DPP6: variants seen among roughly 807,000 people sequenced by gnomAD.
The protein encoded by DPP6 is A-type potassium channel modulatory protein DPP6.
DPP6 carries 69 observed loss-of-function variants against 122.6 expected under a neutral mutation model. The observed-to-expected ratio is 0.56, with a 90% CI of 0.46 to 0.69. The LOEUF (loss-of-function observed/expected upper bound fraction) is 0.69, where lower values mean the gene tolerates loss of function less well. DPP6 is among the 30% of genes least tolerant of loss of function. The pLI is 0.00. For synonymous variants in DPP6, 418 were observed against 433.1 expected (o/e 0.97, Z 0.43); for missense variants, 928 against 1,116.9 (o/e 0.83, Z 2.41).
intron 5 of DPP6, among the ~76,000 whole-genome samples, chr7:154,575,475 TG>T (rs1831570306): frequency 9.0e-4 from 27 of 29,898 alleles, no homozygotes; most frequent in Non-Finnish European, 1.2e-3. Context: ...TGTATGTGTG[TG>T]GTGTGTGTGT....
At chr7:154,671,361 T>C (rs552955466) in intron 7 of DPP6, among the ~76,000 whole-genome samples, 1 of 152,316 alleles carries the variant, frequency 6.6e-6, no homozygotes, top group African/African-American at 2.4e-5. Flanking sequence ...TGGGAATGTG[T>C]AACCTTACTG....
intron 8 of DPP6, among the ~76,000 whole-genome samples, chr7:154,754,009 A>T (rs535533674): frequency 1.2e-4 from 17 of 147,082 alleles, no homozygotes; most frequent in Non-Finnish European, 2.5e-4. Context: ...ACTGCTTATA[A>T]TTTACAATTA....
At chr7:153,992,114 G>A (rs1046465309) in intron 1 of DPP6, among the ~76,000 whole-genome samples, 69 of 151,890 alleles carry the variant, frequency 4.5e-4, no homozygotes, top group African/African-American at 1.4e-3. Flanking sequence ...CTCCCAAAAG[G>A]CCCCACCCCC....
At chr7:154,569,362 A>C (rs1830967153) in intron 5 of DPP6, among the ~76,000 whole-genome samples, 1 of 152,030 alleles carries the variant, frequency 6.6e-6, no homozygotes, top group Admixed American at 6.6e-5. Context: ...TTCTTTAAAA[A>C]CAATTAAAGG....
intron 1 of DPP6, among the ~76,000 whole-genome samples, chr7:153,910,288 G>A (rs1326796088): frequency 2.1e-5 from 3 of 145,604 alleles, no homozygotes; most frequent in Non-Finnish European, 4.5e-5. Context: ...GGAGTGCAGT[G>A]GTGCAATCTC....
At chr7:154,154,645 T>C (rs1796590883) in intron 1 of DPP6, among the ~76,000 whole-genome samples, 1 of 152,212 alleles carries the variant, frequency 6.6e-6, no homozygotes. Context: ...TTCAAGCCCA[T>C]TTTAGAGCTA....
intron 1 of DPP6, among the ~76,000 whole-genome samples, chr7:153,982,839 C>T (rs1177017586): frequency 1.3e-5 from 2 of 152,230 alleles, no homozygotes; most frequent in Admixed American, 1.3e-4. Context: ...TGGAGGTCCA[C>T]TCCAGACCCT....
intron 1 of DPP6, among the ~76,000 whole-genome samples, chr7:154,202,984 A>C (rs76997742): frequency 0.027 from 4,039 of 152,236 alleles, 178 homozygotes; most frequent in African/African-American, 0.091. Context: ...AGGAGTACAT[A>C]ATAAGGATTG....
chr7:154,296,076 C>A (rs1373481894), intron 1 of DPP6, among the ~76,000 whole-genome samples: 1 of 151,676 alleles, frequency 6.6e-6, no homozygotes, highest in African/African-American at 2.4e-5. Context: ...TCCCGAGCAG[C>A]TGAGACTACA....
In DPP6 at chr7:153,975,455, G is replaced by A. The variant is rs545776807; in HGVS notation, c.51+87721G>A. Among the ~76,000 whole-genome samples, 320 of 150,672 alleles carry A rather than the reference G, an allele frequency of 2.1e-3. 1 individual carries two copies. Among genetic ancestry groups the A allele is most frequent in the African/African-American group, 7.6e-3 (310 of 40,710 alleles). ...GAAAGTGGGGATCATTTTACCCAGT[G>A]GCCTTGCAAGTTTCACAGCAAGTCT... On this transcript the variant is annotated intron_variant, in intron 1 of 25. Transcript: ENST00000404039.
chr7:153,806,767 C>T, the DPP6 span, among the ~76,000 whole-genome samples: 23 of 152,038 alleles, frequency 1.5e-4, 1 homozygote, highest in East Asian at 4.2e-3. Context: ...TTTAGGAATG[C>T]CCATTTCTCT....
In DPP6 at chr7:154,481,260, G is replaced by A. The variant is rs996482366; in HGVS notation, c.457+6223G>A. 4.1e-4 allele frequency among the ~76,000 whole-genome samples: 62 copies of A among 152,148 alleles called. No individual in the cohort carries two copies. Among genetic ancestry groups the A allele is most frequent in the Middle Eastern group, 3.4e-3 (1 of 294 alleles). On this transcript the variant is annotated intron_variant, in intron 3 of 25. Transcript: ENST00000377770. The surrounding 1 kb of genome is among the most constrained non-coding windows in gnomAD (Gnocchi z 4.2). ...AGGGGAAATAATTCACCCCCACAAT[G>A]TTAGGTATTGTCTATATGATGATGA...
chr7:154,347,983 GT>G (rs1032953491), intron 1 of DPP6, among the ~76,000 whole-genome samples: 19 of 152,262 alleles, frequency 1.2e-4, no homozygotes, highest in African/African-American at 4.6e-4. Flanking sequence ...GAAATCATTT[GT>G]TTTTTAGCAG....
intron 16 of DPP6, among the ~76,000 whole-genome samples, chr7:154,814,193 T>A (rs1272402635): frequency 6.6e-6 from 1 of 152,190 alleles, no homozygotes; most frequent in Non-Finnish European, 1.5e-5. Context: ...GAAAAGTACA[T>A]TTCTAATTAC....
At chr7:154,642,896 C>T (rs1394147122) in intron 6 of DPP6, among the ~76,000 whole-genome samples, 4 of 152,090 alleles carry the variant, frequency 2.6e-5, no homozygotes, top group Non-Finnish European at 5.9e-5. Flanking sequence ...AGCGAGACTC[C>T]ATCTCAAAAA....
chr7:154,599,268 G>A (rs555250154), intron 5 of DPP6, among the ~76,000 whole-genome samples: 1 of 152,112 alleles, frequency 6.6e-6, no homozygotes, highest in Non-Finnish European at 1.5e-5. Flanking sequence ...AGATGGCCCC[G>A]CATAGGTCTA....
At chr7:154,466,372 C>T (rs150376339) in intron 2 of DPP6, among the ~76,000 whole-genome samples, 48 of 152,256 alleles carry the variant, frequency 3.2e-4, no homozygotes, top group African/African-American at 1.1e-3. Flanking sequence ...TAAATAAATG[C>T]AGAATTTCAT....
intron 1 of DPP6, among the ~76,000 whole-genome samples, chr7:154,343,217 G>A (rs186706633): frequency 1.6e-4 from 25 of 152,334 alleles, no homozygotes; most frequent in African/African-American, 6.0e-4. Flanking sequence ...CACACACTTT[G>A]TGGCTTCCTG....
intron 5 of DPP6, among the ~76,000 whole-genome samples, chr7:154,592,255 G>A (rs1036537503): frequency 6.6e-6 from 1 of 152,224 alleles, no homozygotes; most frequent in African/African-American, 2.4e-5. Flanking sequence ...TTAAGACACT[G>A]CTTATCTTGA....
Sources: gnomAD v4.1 joint callset for allele counts (sites outside exome capture counted in the v4.1 genomes callset) on GRCh38, gnomAD v4.1.1 for gene constraint, Gnocchi (gnomAD v3.1) non-coding constraint, MANE v1.5 for transcripts, NCBI Gene and HGNC (gene_info 2026-07-23, HGNC 2026-07-21) for gene names.